Variants in GALNT14 observed in about 807,000 individuals in gnomAD.
GALNT14 encodes polypeptide N-acetylgalactosaminyltransferase 14, also known as UDP-GalNAc:polypeptide N-acetylgalactosaminyltransferase 14.
Under a neutral mutation model 77.5 loss-of-function variants are expected in GALNT14, and 60 were observed. The observed-to-expected ratio is 0.77, with a 90% CI of 0.63 to 0.96. The LOEUF is 0.96. GALNT14 is among the 40% of genes least tolerant of loss of function. The pLI, the probability that GALNT14 is intolerant of heterozygous loss-of-function variation, is 0.00. For missense variants in GALNT14, 710 were observed against 731.0 expected, an observed-to-expected ratio of 0.97 and a Z score of 0.33; for synonymous variants, 280 against 281.7, an observed-to-expected ratio of 0.99 and a Z score of 0.06.
intron 1 of GALNT14, among the ~76,000 whole-genome samples, chr2:31,033,912 C>A (rs1672560816): frequency 6.6e-6 from 1 of 152,222 alleles, no homozygotes; most frequent in African/African-American, 2.4e-5. Flanking sequence ...AGCAAACAAA[C>A]CCTCACATTT....
chr2:31,061,825 T>C (rs1674610106), intron 1 of GALNT14, among the ~76,000 whole-genome samples: 1 of 152,194 alleles, frequency 6.6e-6, no homozygotes, highest in Non-Finnish European at 1.5e-5. Flanking sequence ...CTTTTCAGAA[T>C]AAAGTCCTTG....
intron 14 of GALNT14, 111 bp from the exon 15 acceptor site, chr2:30,911,170 T>G (rs1664336455): frequency 1.1e-6 from 1 of 920,048 alleles, no homozygotes; most frequent in Non-Finnish European, 1.7e-6. Context: ...AGAGACTTGA[T>G]TTCATGGTTT....
intron 1 of GALNT14, among the ~76,000 whole-genome samples, chr2:31,091,791 G>A (rs1160375222): frequency 6.6e-6 from 1 of 152,152 alleles, no homozygotes; most frequent in Non-Finnish European, 1.5e-5. Context: ...CTTAGTGTCA[G>A]TCAACCTGAT....
chr2:31,031,218 T>C lies in GALNT14; in HGVS notation c.130-38211A>G, dbSNP rs754037760. Among the ~76,000 whole-genome samples the C allele has an allele frequency of 2.8e-4, 43 of 152,234 alleles. 1 individual carries two copies. In the South Asian group the frequency reaches 4.6e-3, roughly 16 times the overall value. ...ACTTAAGGGGTGAACCTCTGAAATGTCTTAGGAGTCCTGTCAGGTCACCCC... is the reference window on the plus strand; with the variant it reads ...ACTTAAGGGGTGAACCTCTGAAATGCCTTAGGAGTCCTGTCAGGTCACCCC... On this transcript the variant is annotated intron_variant, in intron 1 of 14. Coordinates refer to ENST00000349752, the MANE Select transcript of GALNT14 (RefSeq NM_024572.4).
chr2:30,945,678 T>C (rs957525335), intron 7 of GALNT14, 105 bp downstream of exon 7: 1 of 913,796 alleles, frequency 1.1e-6, no homozygotes, highest in Admixed American at 1.9e-5. Context: ...GGCTGAGCTT[T>C]CTCGACAAGC....
intron 4 of GALNT14, among the ~76,000 whole-genome samples, chr2:30,957,448 TG>T (rs1293337246): frequency 6.6e-6 from 1 of 152,114 alleles, no homozygotes; most frequent in African/African-American, 2.4e-5. Flanking sequence ...CTTGCTTCAG[TG>T]CCAGGCTACC....
intron 1 of GALNT14, among the ~76,000 whole-genome samples, chr2:31,029,780 T>C (rs1672297575): frequency 1.3e-5 from 2 of 152,318 alleles, no homozygotes; most frequent in East Asian, 1.9e-4. Flanking sequence ...CTTTAAACTG[T>C]TTAGAGAGAA....
chr2:30,895,768 C>G, the GALNT14 span, among the ~76,000 whole-genome samples: 1 of 152,156 alleles, frequency 6.6e-6, no homozygotes, highest in Non-Finnish European at 1.5e-5. Context: ...AGCACATCCT[C>G]CCTCCCACCT....
Position 31,097,713 on chromosome 2 carries a change from T to G in GALNT14, c.129+40245A>C, listed in dbSNP as rs1573344517. 2.6e-5 allele frequency among the ~76,000 whole-genome samples: 4 copies of G among 152,244 alleles called. No homozygotes were observed. In the East Asian group the frequency reaches 7.7e-4, roughly 29 times the overall value. ...TGTTGTTCACACCCAGCAGGCTTCC[T>G]GTATTGGATTCCTAACACAGGTGGC... On this transcript the variant is annotated intron_variant, in intron 1 of 14. Coordinates refer to ENST00000349752, the MANE Select transcript of GALNT14 (RefSeq NM_024572.4).
At chr2:31,137,656 C>T (rs915206061) in intron 1 of GALNT14, among the ~76,000 whole-genome samples, 1 of 152,162 alleles carries the variant, frequency 6.6e-6, no homozygotes, top group Non-Finnish European at 1.5e-5. Context: ...GGCCGCCCGT[C>T]CGCAGAGCCC....
At chr2:31,067,779 A>G (rs1675075897) in intron 1 of GALNT14, among the ~76,000 whole-genome samples, 1 of 152,200 alleles carries the variant, frequency 6.6e-6, no homozygotes, top group Admixed American at 6.5e-5. Flanking sequence ...TAAAATGGGC[A>G]TGTCTCACCC....
chr2:30,936,554 G>A (rs1308307449), intron 9 of GALNT14, among the ~76,000 whole-genome samples: 1 of 152,150 alleles, frequency 6.6e-6, no homozygotes, highest in Middle Eastern at 3.2e-3. Flanking sequence ...CTGAGAAACA[G>A]ACACTCACCT....
chr2:30,960,162 G>C (rs1357444398), intron 3 of GALNT14, among the ~76,000 whole-genome samples: 1 of 152,170 alleles, frequency 6.6e-6, no homozygotes, highest in East Asian at 1.9e-4. Flanking sequence ...GTCAGGGAGG[G>C]GAAAGAAGGC....
chr2:30,935,831 A>C (rs1345392941), intron 9 of GALNT14, among the ~76,000 whole-genome samples: 1 of 152,146 alleles, frequency 6.6e-6, no homozygotes, highest in East Asian at 1.9e-4. Flanking sequence ...GGGCTTGGAC[A>C]AGTGCTATCA....
chr2:31,076,366 C>T (rs888610669), intron 1 of GALNT14, among the ~76,000 whole-genome samples: 2 of 152,146 alleles, frequency 1.3e-5, no homozygotes, highest in Non-Finnish European at 2.9e-5. Flanking sequence ...GGATGCCACC[C>T]AATGTCTCAT....
chr2:31,102,853 A>G (rs1357411461), intron 1 of GALNT14, among the ~76,000 whole-genome samples: 2 of 152,052 alleles, frequency 1.3e-5, no homozygotes, highest in Non-Finnish European at 2.9e-5. Flanking sequence ...CCTTTTATAC[A>G]TAGTTCCTTT....
intron 1 of GALNT14, among the ~76,000 whole-genome samples, chr2:31,028,750 G>C (rs950859020): frequency 3.9e-5 from 6 of 152,188 alleles, no homozygotes; most frequent in African/African-American, 1.4e-4. Context: ...TTGTCACTGG[G>C]AGCAGAAGAC....
intron 1 of GALNT14, among the ~76,000 whole-genome samples, chr2:31,103,508 C>CACACACACACAT (rs1196657206): frequency 1.3e-5 from 2 of 152,000 alleles, no homozygotes; most frequent in Admixed American, 6.6e-5. Flanking sequence ...CACACACACA[C>CACACACACACAT]ATTACATAGC....
At chr2:31,013,149 T>G (rs910376920) in intron 1 of GALNT14, among the ~76,000 whole-genome samples, 13 of 152,216 alleles carry the variant, frequency 8.5e-5, no homozygotes, top group Admixed American at 2.6e-4. Flanking sequence ...TTTAAATTAT[T>G]AAAGCAACTA....
Sources: gnomAD v4.1 joint callset for allele counts (sites outside exome capture counted in the v4.1 genomes callset) on GRCh38, gnomAD v4.1.1 for gene constraint, MANE v1.5 for transcripts, NCBI Gene and HGNC (gene_info 2026-07-23, HGNC 2026-07-21) for gene names.